WNT11: variants seen among roughly 807,000 people sequenced by gnomAD.
WNT11 encodes the protein Wnt family member 11.
WNT11 carries 20 observed loss-of-function variants against 35.6 expected under a neutral mutation model. The ratio of observed to expected loss-of-function variants is 0.56; its 90% CI spans 0.40 to 0.82. WNT11 has a LOEUF of 0.82. Among genes scored for constraint, WNT11 ranks in the 40% least tolerant of loss-of-function variants. The probability of loss-of-function intolerance (pLI) is 0.00; values close to 1 mark genes in which losing one functional copy is unlikely to be tolerated. For synonymous variants in WNT11, 200 were observed against 211.9 expected (o/e 0.94, Z 0.49); for missense variants, 459 against 504.4 (o/e 0.91, Z 0.86).
chr11:76,187,603 G>T, intron 4 of WNT11, among the ~76,000 whole-genome samples: 1 of 141,654 alleles, frequency 7.1e-6, no homozygotes, highest in African/African-American at 2.7e-5. Flanking sequence ...CTCCCACCCT[G>T]GCCTCCTGAG....
chr11:76,188,230 GGC>G (rs1491202365), intron 4 of WNT11, among the ~76,000 whole-genome samples: 4 of 152,226 alleles, frequency 2.6e-5, no homozygotes, highest in African/African-American at 9.7e-5. Context: ...AGGCCTGTAG[GGC>G]CCTTGGGTCA....
In WNT11 at chr11:76,204,757, C is replaced by G. The variant is rs182674635; in HGVS notation, c.83+1568G>C. ...AGCCGTCCATCCCACCACAGGCCAG[C>G]GTGGGGGCTTGCGTGCATCATGCCC... On this transcript the variant is annotated intron_variant, in intron 1 of 4. Coordinates refer to ENST00000322563, the MANE Select transcript of WNT11 (RefSeq NM_004626.3). Among the ~76,000 whole-genome samples, 48 of 151,992 alleles carry G rather than the reference C, an allele frequency of 3.2e-4. No homozygotes were observed. In the East Asian group the frequency reaches 8.5e-3, roughly 27 times the overall value.
Position 76,194,713 on chromosome 11 carries a change from C to G in WNT11, c.451G>C (p.Gly151Arg), listed in dbSNP as rs200232677. The G allele has an allele frequency of 1.9e-6, 3 of 1,550,424 alleles. No individual in the cohort carries two copies. The highest frequency in any genetic ancestry group is 2.4e-5 in the East Asian group (1 of 40,938). ...TCCGCACATCCTCCCCAGCGGTTCC[C>G]GGGCCCGGGTGGCTCACCTGGGACG... is the stretch of plus-strand genomic sequence containing the variant. The part of the protein sequence containing the change: ...GPVPGEPPGP[G>R]NRWGGCADNL... The change falls in exon 3 of 5, where the codon GGG becomes CGG. Residue 151 changes from glycine to arginine, a missense_variant. Physicochemically the swap from Gly to Arg is moderately radical, Grantham distance 125 (BLOSUM62 -2). Coordinates refer to ENST00000322563, the MANE Select transcript of WNT11 (RefSeq NM_004626.3). This position sits in a 1 kb window ranked among gnomAD's most constrained non-coding sequence, Gnocchi z 5.4.
chr11:76,202,646 C>T (rs902542303), intron 1 of WNT11, among the ~76,000 whole-genome samples: 3 of 152,142 alleles, frequency 2.0e-5, no homozygotes, highest in Admixed American at 6.5e-5. Flanking sequence ...GTCTAGGAAC[C>T]GGGGAGAGGT....
intron 1 of WNT11, among the ~76,000 whole-genome samples, chr11:76,205,947 T>C (rs890088110): frequency 1.3e-5 from 2 of 152,134 alleles, no homozygotes; most frequent in African/African-American, 4.8e-5. Context: ...GAACTCCCGC[T>C]AGGGTCAAGG....
intron 1 of WNT11, among the ~76,000 whole-genome samples, chr11:76,199,394 C>A (rs1310201533): frequency 6.6e-6 from 1 of 151,706 alleles, no homozygotes; most frequent in Non-Finnish European, 1.5e-5. Context: ...ATCACTTGAG[C>A]CCGGGGGTTT....
intron 3 of WNT11, among the ~76,000 whole-genome samples, chr11:76,193,823 G>A (rs1378556251): frequency 1.3e-5 from 2 of 152,192 alleles, no homozygotes; most frequent in Non-Finnish European, 2.9e-5. Flanking sequence ...CTGGCCAAGT[G>A]GCCATCCCTG....
chr11:76,186,845 A>C lies in WNT11; in HGVS notation c.*220T>G. On this transcript the variant is annotated 3_prime_UTR_variant, in exon 5 of 5. Transcript: ENST00000322563. ...AGCCTCAGGCTGCCAAGTTATTTTT[A>C]ATCTTGTCGGTTTCCTTTGATGTCC... 1 of 721,240 alleles carries C rather than the reference A, an allele frequency of 1.4e-6. No individual in the cohort carries two copies. The highest frequency in any genetic ancestry group is 2.4e-6 in the Non-Finnish European group (1 of 411,482). 44.7% of individuals were successfully genotyped at this position (721,240 alleles called of 1,614,324 possible). A position where few individuals can be genotyped will look rare whatever the true frequency, so the allele number is the denominator to read the frequency against.
At chr11:76,197,809 C>T (rs1359159153) in intron 1 of WNT11, among the ~76,000 whole-genome samples, 1 of 152,142 alleles carries the variant, frequency 6.6e-6, no homozygotes, top group African/African-American at 2.4e-5. Flanking sequence ...ATCTGCCGTT[C>T]TCCTAGGCCT....
intron 1 of WNT11, among the ~76,000 whole-genome samples, chr11:76,205,726 CG>C (rs761586301): frequency 1.3e-5 from 2 of 152,188 alleles, no homozygotes; most frequent in Non-Finnish European, 2.9e-5. Context: ...CCTACCCCTG[CG>C]TGAATAATTT....
At chr11:76,193,520 C>T (rs1476226563) in intron 3 of WNT11, among the ~76,000 whole-genome samples, 3 of 152,236 alleles carry the variant, frequency 2.0e-5, no homozygotes, top group Non-Finnish European at 4.4e-5. Context: ...GGCCAGGAGG[C>T]AGGAGTCCTG....
intron 3 of WNT11, among the ~76,000 whole-genome samples, chr11:76,193,309 C>T (rs934691643): frequency 2.6e-5 from 4 of 152,226 alleles, no homozygotes; most frequent in African/African-American, 4.8e-5. Flanking sequence ...GCCTGATTTG[C>T]CCTGAGGCGG....
chr11:76,203,885 G>C (rs1422213950), intron 1 of WNT11, among the ~76,000 whole-genome samples: 1 of 152,206 alleles, frequency 6.6e-6, no homozygotes, highest in Non-Finnish European at 1.5e-5. Flanking sequence ...GGGGCTCCCT[G>C]TGCCCAACAG....
rs1188849223 is a variant in WNT11 at position 76,186,403 on chromosome 11, G to A, written c.*662C>T. 1 of 152,022 alleles carries A rather than the reference G, an allele frequency of 6.6e-6. No homozygotes were observed. Among genetic ancestry groups the A allele is most frequent in the Non-Finnish European group, 1.5e-5 (1 of 68,012 alleles). The allele number at this position is 152,022 out of a possible 1,614,324, so 9.4% of individuals were successfully genotyped here. ...CTTGACGAGGCCGGGAACTGCAGGG[G>A]CGGGCTGGGGCTCACTCAGCATTTA... is the stretch of plus-strand genomic sequence containing the variant. On this transcript the variant is annotated 3_prime_UTR_variant, in exon 5 of 5. Transcript: ENST00000322563.
rs1262134943 is a variant in WNT11 at position 76,206,381 on chromosome 11, C to T, written c.27G>A (p.Glu9=). 11 of 1,552,488 alleles carry T rather than the reference C, an allele frequency of 7.1e-6. No individual in the cohort carries two copies. The highest frequency in any genetic ancestry group is 1.9e-5 in the Admixed American group (1 of 52,410). The stretch of plus-strand genomic sequence containing the variant: ...GGAGCGCCAGGGCGAAGAGCAGCGC[C>T]TCGCAGACCTGCGGCCGCGCCCTCA... MRARPQVC[E]ALLFALALQT... The change falls in exon 1 of 5, where the codon GAG becomes GAA. Residue 9 remains glutamate, a synonymous_variant. Transcript: ENST00000322563.
intron 2 of WNT11, among the ~76,000 whole-genome samples, chr11:76,196,055 C>T (rs1004005038): frequency 2.6e-5 from 4 of 152,216 alleles, no homozygotes; most frequent in Non-Finnish European, 5.9e-5. Flanking sequence ...TTTCTGCAGT[C>T]TGGTTCAGTG....
intron 2 of WNT11, chr11:76,195,147 T>C (rs1047340506): frequency 1.4e-4 from 56 of 408,778 alleles, no homozygotes; most frequent in African/African-American, 1.1e-3. Flanking sequence ...TTTACAGTAG[T>C]GAGGCCCAGG....
Position 76,194,078 on chromosome 11 carries a change from G to A in WNT11, c.597+489C>T, listed in dbSNP as rs891525356. On this transcript the variant is annotated intron_variant, in intron 3 of 4. Coordinates refer to ENST00000322563, the MANE Select transcript of WNT11 (RefSeq NM_004626.3). This position sits in a 1 kb window ranked among gnomAD's most constrained non-coding sequence, Gnocchi z 5.4. ...GTTCTAGCAGCTTCGGTTGGTGTGG[G>A]TGGGAGTCCCCGTTAAATCCAAGCA... Among the ~76,000 whole-genome samples the A allele has an allele frequency of 6.6e-6, 1 of 151,974 alleles. No individual in the cohort carries two copies. Among genetic ancestry groups the A allele is most frequent in the African/African-American group, 2.4e-5 (1 of 41,378 alleles).
At chr11:76,206,621 C>T (rs1018509504), upstream of WNT11, 13 of 1,061,196 alleles carry the variant, frequency 1.2e-5, 1 homozygote, top group Middle Eastern at 1.1e-3. Context: ...CGTCCCCTCC[C>T]GCTCCGCCCG....
Sources: allele counts gnomAD v4.1 joint callset (sites outside exome capture counted in the v4.1 genomes callset), GRCh38; gene constraint gnomAD v4.1.1; non-coding constraint Gnocchi (gnomAD v3.1); transcripts MANE v1.5; gene names NCBI Gene and HGNC (gene_info 2026-07-23, HGNC 2026-07-21).